Variants in GALNTL5 observed in about 807,000 individuals in gnomAD.
The protein encoded by GALNTL5 is polypeptide N-acetylgalactosaminyltransferase like 5, also known as inactive polypeptide N-acetylgalactosaminyltransferase-like protein 5.
In GALNTL5, 44 loss-of-function variants were observed where a neutral mutation model predicts 51.0. That is an observed-to-expected ratio of 0.86 (90% CI 0.68 to 1.11). The LOEUF (loss-of-function observed/expected upper bound fraction) is 1.11. GALNTL5 is among the 50% of genes least tolerant of loss of function. GALNTL5 has a pLI of 0.00. For missense variants in GALNTL5, 528 were observed against 531.8 expected (o/e 0.99, Z 0.07); for synonymous variants, 192 against 182.8 (o/e 1.05, Z -0.41).
intron 5 of GALNTL5, among the ~76,000 whole-genome samples, chr7:151,989,262 G>A (rs1267777775): frequency 1.3e-5 from 2 of 151,574 alleles, no homozygotes; most frequent in African/African-American, 2.4e-5. Flanking sequence ...TGATTCTCCT[G>A]CCTCAGCCTC....
At position 151,965,887 on chromosome 7, in the gene GALNTL5, C is replaced by CA. The variant is rs534629424; in HGVS notation, c.-39-1313dup. 1.2e-3 allele frequency among the ~76,000 whole-genome samples: 188 copies of CA among 150,790 alleles called. 2 individuals carry two copies. Among genetic ancestry groups the CA allele is most frequent in the African/African-American group, 4.5e-3 (185 of 41,140 alleles). ...GGGTGAGGGGAGTGAGACCCAGTCT[C>CA]AAAAAAAAGGGATACAGTAGGAGTT... On this transcript the variant is annotated intron_variant, in intron 1 of 8. Transcript: ENST00000392800.
chr7:151,993,854 A>G (rs557564601), intron 5 of GALNTL5, among the ~76,000 whole-genome samples: 1 of 152,218 alleles, frequency 6.6e-6, no homozygotes, highest in East Asian at 1.9e-4. Context: ...TCCTGGTCTC[A>G]AGCAATATTC....
At chr7:152,003,977 C>T (rs1307234445) in intron 6 of GALNTL5, among the ~76,000 whole-genome samples, 1 of 151,998 alleles carries the variant, frequency 6.6e-6, no homozygotes, top group Admixed American at 6.6e-5. Context: ...TTTTTGAAAA[C>T]AATTTGGCAA....
intron 6 of GALNTL5, among the ~76,000 whole-genome samples, chr7:152,006,432 C>T (rs1039497567): frequency 6.6e-6 from 1 of 152,176 alleles, no homozygotes; most frequent in Non-Finnish European, 1.5e-5. Context: ...GCAGAGATAA[C>T]AGCATGACTG....
In GALNTL5 at chr7:151,983,680, G is replaced by A. The variant is rs376373936; in HGVS notation, c.535+528G>A. On this transcript the variant is annotated intron_variant, in intron 4 of 8. Transcript: ENST00000392800. ...TCCATAAGGCAAACATAGGGGCACC[G>A]GCCACATCCTTGGAGATAACTTCAG... Among the ~76,000 whole-genome samples, 16 of 152,246 alleles carry A rather than the reference G, an allele frequency of 1.1e-4. 1 individual carries two copies. Among genetic ancestry groups the A allele is most frequent in the African/African-American group, 3.6e-4 (15 of 41,542 alleles).
chr7:152,017,183 C>T (rs139816665), intron 8 of GALNTL5, among the ~76,000 whole-genome samples: 48 of 152,208 alleles, frequency 3.2e-4, no homozygotes, highest in Middle Eastern at 3.4e-3. Context: ...CTACACAAAC[C>T]TAGATGGAGA....
At chr7:152,015,420 C>T (rs577232237) in intron 8 of GALNTL5, among the ~76,000 whole-genome samples, 6 of 146,880 alleles carry the variant, frequency 4.1e-5, no homozygotes, top group South Asian at 4.3e-4. Context: ...AGTGCAGTGG[C>T]GCGATCTCAG....
At chr7:151,974,515 C>T (rs771694491) in intron 3 of GALNTL5, among the ~76,000 whole-genome samples, 14 of 152,250 alleles carry the variant, frequency 9.2e-5, no homozygotes, top group East Asian at 5.8e-4. Context: ...TTGTGTGCAA[C>T]GCAAACATTT....
At chr7:151,996,530 A>G (rs1352460344) in intron 5 of GALNTL5, among the ~76,000 whole-genome samples, 1 of 152,238 alleles carries the variant, frequency 6.6e-6, no homozygotes, top group Non-Finnish European at 1.5e-5. Flanking sequence ...GCTTGAGGCC[A>G]GGAGTTTGAG....
chr7:151,960,073 G>A (rs1019195475), intron 1 of GALNTL5: 1 of 152,132 alleles, frequency 6.6e-6, no homozygotes, highest in Admixed American at 6.5e-5. Flanking sequence ...CCCGCCCTTC[G>A]GTTGTAGGAA....
At position 152,007,960 on chromosome 7, in the gene GALNTL5, T is replaced by C. The variant is rs941169327; in HGVS notation, c.1026+16T>C. The C allele has an allele frequency of 6.1e-6, 8 of 1,307,398 alleles. No individual in the cohort carries two copies. The Admixed American group carries it at 1.0e-4, about 17-fold the overall frequency. 81.0% of individuals were successfully genotyped at this position (1,307,398 alleles called of 1,614,324 possible). ...TTCACTAAGGGTAATTCAGATTTCATTTTTAAAATAGCTATAGAGAGTGAA... is the reference window on the plus strand; with the variant it reads ...TTCACTAAGGGTAATTCAGATTTCACTTTTAAAATAGCTATAGAGAGTGAA... On this transcript the variant is annotated intron_variant, in intron 7 of 8. Coordinates refer to ENST00000392800, the MANE Select transcript of GALNTL5 (RefSeq NM_145292.4).
intron 8 of GALNTL5, among the ~76,000 whole-genome samples, chr7:152,018,590 T>A (rs891448670): frequency 6.6e-6 from 1 of 152,124 alleles, no homozygotes; most frequent in Non-Finnish European, 1.5e-5. Flanking sequence ...AGTATAAAAA[T>A]CAATGGATTG....
intron 5 of GALNTL5, among the ~76,000 whole-genome samples, chr7:151,991,722 T>C (rs2081431201): frequency 6.6e-6 from 1 of 152,216 alleles, no homozygotes. Flanking sequence ...GAAGTTTTTA[T>C]ATCTTCTTAT....
At chr7:151,992,263 G>A (rs926060831) in intron 5 of GALNTL5, among the ~76,000 whole-genome samples, 2 of 152,154 alleles carry the variant, frequency 1.3e-5, no homozygotes, top group African/African-American at 4.8e-5. Context: ...ACTTTCATGG[G>A]AATAATTCTG....
intron 7 of GALNTL5, among the ~76,000 whole-genome samples, chr7:152,010,121 T>G (rs1230642737): frequency 1.4e-5 from 2 of 144,544 alleles, no homozygotes; most frequent in Non-Finnish European, 1.5e-5. Context: ...AGTGGCTTCT[T>G]TTTTTTTTTT....
intron 3 of GALNTL5, among the ~76,000 whole-genome samples, chr7:151,981,276 C>T (rs2081282059): frequency 6.6e-6 from 1 of 152,200 alleles, no homozygotes; most frequent in East Asian, 1.9e-4. Context: ...GAATCATAAT[C>T]ATGTAATGCG....
Position 151,983,052 on chromosome 7 carries a change from A to G in GALNTL5, c.435A>G (p.Glu145=). The G allele has an allele frequency of 6.2e-7, 1 of 1,614,210 alleles. No homozygotes were observed. Among genetic ancestry groups the G allele is most frequent in the Non-Finnish European group, 8.5e-7 (1 of 1,180,022 alleles). ...GCATTGTCATTTGCTTCTATAATGA[A>G]GAATGTAATGCCTTGTTTCAGACCA... The part of the protein sequence containing the change: ...TASIVICFYN[E]ECNALFQTMS... Residue 145 remains glutamate (E), a synonymous_variant, in exon 4 of 9, where the codon GAA becomes GAG. Coordinates refer to ENST00000392800, the MANE Select transcript of GALNTL5 (RefSeq NM_145292.4).
chr7:151,987,068 T>G, intron 4 of GALNTL5, 91 bp from the exon 5 acceptor site: 1 of 1,145,488 alleles, frequency 8.7e-7, no homozygotes, highest in Non-Finnish European at 1.2e-6. Flanking sequence ...TGGAATAGCA[T>G]GGATTTTAGG....
rs1303910752 is a variant in GALNTL5, at chr7:152,002,430, A to T, written c.659-284A>T. The stretch of plus-strand genomic sequence containing the variant: ...CAAGACCAAGCTAAAATCATTTTTT[A>T]AAATGGAAATCCAGTTCAGTTCCAC... On this transcript the variant is annotated intron_variant, in intron 5 of 8. Transcript: ENST00000392800. 3.3e-5 allele frequency among the ~76,000 whole-genome samples: 5 copies of T among 152,208 alleles called. No individual in the cohort carries two copies. The East Asian group carries it at 7.7e-4, about 23-fold the overall frequency.
Sources: allele counts gnomAD v4.1 joint callset (sites outside exome capture counted in the v4.1 genomes callset), GRCh38; gene constraint gnomAD v4.1.1; transcripts MANE v1.5; gene names NCBI Gene and HGNC (gene_info 2026-07-23, HGNC 2026-07-21).